The following SMARCA2 variants were observed in gnomAD, a reference collection of about 807,000 sequenced individuals.
SMARCA2 encodes SWI/SNF-related matrix-associated actin-dependent regulator of chromatin subfamily A member 2.
A neutral mutation model predicts 199.8 loss-of-function variants in SMARCA2; 61 were observed. The ratio of observed to expected loss-of-function variants is 0.31; its 90% CI spans 0.25 to 0.38. The LOEUF (loss-of-function observed/expected upper bound fraction) is 0.38. SMARCA2 is among the 10% of genes least tolerant of loss of function. The pLI is 1.00. For missense variants in SMARCA2, 1,344 were observed against 2,012.2 expected (o/e 0.67, Z 6.35); for synonymous variants, 935 against 732.0 (o/e 1.28, Z -4.48).
intron 32 of SMARCA2, among the ~76,000 whole-genome samples, chr9:2,190,982 TGGGAGACA>T (rs1007824321): frequency 1.1e-4 from 16 of 152,172 alleles, no homozygotes; most frequent in African/African-American, 3.9e-4. Context: ...GGTCAGCCAT[TGGGAGACA>T]GGTGAAGGAT....
At chr9:2,030,798 C>G (rs1412403019) in intron 2 of SMARCA2, among the ~76,000 whole-genome samples, 1 of 152,124 alleles carries the variant, frequency 6.6e-6, no homozygotes, top group Non-Finnish European at 1.5e-5. Flanking sequence ...AAAAAGATTA[C>G]CACAGAAAAG....
Position 2,186,078 on chromosome 9 carries a change from G to A in SMARCA2, c.4462-18G>A. 2 of 1,611,084 alleles carry A rather than the reference G, an allele frequency of 1.2e-6. No homozygotes were observed. The highest frequency in any genetic ancestry group is 1.7e-6 in the Non-Finnish European group (2 of 1,178,144). ...AACTCAGCTTGCAGTTTTAACAGATGCCCCTTTGACCATTTAGATCTATGA... is the reference window on the plus strand; with the variant it reads ...AACTCAGCTTGCAGTTTTAACAGATACCCCTTTGACCATTTAGATCTATGA... On this transcript the variant is annotated intron_variant, in intron 31 of 33. Coordinates refer to ENST00000349721, the MANE Select transcript of SMARCA2 (RefSeq NM_003070.5).
chr9:2,189,195 T>C (rs777078275), intron 32 of SMARCA2, among the ~76,000 whole-genome samples: 2 of 152,226 alleles, frequency 1.3e-5, no homozygotes, highest in Non-Finnish European at 2.9e-5. Flanking sequence ...GGAGATGATA[T>C]TCTGTCCACC....
chr9:2,181,229 C>G (rs1489178192), intron 29 of SMARCA2: 5 of 204,846 alleles, frequency 2.4e-5, no homozygotes, highest in Non-Finnish European at 3.9e-5. Context: ...TATATATTTA[C>G]CAATTCATTT....
chr9:2,180,033 G>C (rs1247959883), intron 29 of SMARCA2, among the ~76,000 whole-genome samples: 2 of 152,118 alleles, frequency 1.3e-5, no homozygotes, highest in Non-Finnish European at 2.9e-5. Flanking sequence ...AATAGTTCTT[G>C]TCATATACTA....
At chr9:2,160,316 T>G (rs1586770640) in intron 27 of SMARCA2, 3 of 437,554 alleles carry the variant, frequency 6.9e-6, no homozygotes, top group East Asian at 6.8e-5. Context: ...AATTGTCTTT[T>G]GATTATTAAG....
Position 2,104,195 on chromosome 9 carries a change from G to A in SMARCA2, c.3292+26G>A, listed in dbSNP as rs770068805. 4 of 1,596,332 alleles carry A rather than the reference G, an allele frequency of 2.5e-6. No homozygotes were observed. ...GTAAGTGCATAAGGCATTAGGCTCG[G>A]AAGCCATACTACTGAAAATGAAGGG... On this transcript the variant is annotated intron_variant, in intron 23 of 33. Transcript: ENST00000349721. This position sits in a 1 kb window ranked among gnomAD's most constrained non-coding sequence, Gnocchi z 4.0.
At chr9:2,073,778 T>A (rs144695551) in intron 12 of SMARCA2, among the ~76,000 whole-genome samples, 155 bp downstream of exon 12, 12 of 152,340 alleles carry the variant, frequency 7.9e-5, no homozygotes, top group Non-Finnish European at 1.5e-4. Flanking sequence ...TTACAAATGC[T>A]TTGATGGTGT....
Position 2,110,464 on chromosome 9 carries a change from C to A in SMARCA2, c.3456+47C>A. 3 of 1,428,106 alleles carry A rather than the reference C, an allele frequency of 2.1e-6. No individual in the cohort carries two copies. The highest frequency in any genetic ancestry group is 9.5e-7 in the Non-Finnish European group (1 of 1,054,206). The allele number at this position is 1,428,106 out of a possible 1,614,324, so 88.5% of individuals were successfully genotyped here. On this transcript the variant is annotated intron_variant, in intron 24 of 33. Transcript: ENST00000349721. The surrounding 1 kb of genome is among the most constrained non-coding windows in gnomAD (Gnocchi z 4.8). ...GCCCAGGCCTCCCTCTGGAGAGCAA[C>A]TAAAAGATGATCAGTTTCATTATTC...
chr9:2,103,251 C>T (rs1011278125), intron 22 of SMARCA2, among the ~76,000 whole-genome samples: 5 of 152,110 alleles, frequency 3.3e-5, no homozygotes, highest in Non-Finnish European at 5.9e-5. Flanking sequence ...ACCTGCTCAG[C>T]GTAGCCTCTG....
intron 3 of SMARCA2, among the ~76,000 whole-genome samples, chr9:2,037,736 G>A (rs1054634743): frequency 6.6e-6 from 1 of 152,164 alleles, no homozygotes; most frequent in Non-Finnish European, 1.5e-5. Flanking sequence ...ACTGTGACAC[G>A]ATTACATTTA....
chr9:2,109,795 T>C (rs1822915510), intron 23 of SMARCA2, among the ~76,000 whole-genome samples: 1 of 152,248 alleles, frequency 6.6e-6, no homozygotes, highest in Admixed American at 6.5e-5. Context: ...TCCTTTTTTT[T>C]CTATTTTCTT....
intron 27 of SMARCA2, among the ~76,000 whole-genome samples, chr9:2,133,970 T>G (rs923684646): frequency 4.6e-5 from 7 of 152,316 alleles, no homozygotes; most frequent in African/African-American, 9.6e-5. Flanking sequence ...TCTCATAGCT[T>G]TGCTTTCCTC....
rs1825675172 is a variant in SMARCA2, at chr9:2,161,549, T to C, written c.3982-137T>C. On this transcript the variant is annotated intron_variant, in intron 27 of 33. Coordinates refer to ENST00000349721, the MANE Select transcript of SMARCA2 (RefSeq NM_003070.5). The surrounding 1 kb of genome is among the most constrained non-coding windows in gnomAD (Gnocchi z 4.7). Reference sequence around the variant, plus strand: ...TTTTTCTTCTTCCTCCACTGATTACTGTTAACTTTTACTTTTTTTTGGTTA... The same window carrying C: ...TTTTTCTTCTTCCTCCACTGATTACCGTTAACTTTTACTTTTTTTTGGTTA... 1 of 630,286 alleles carries C rather than the reference T, an allele frequency of 1.6e-6. No individual in the cohort carries two copies. Among genetic ancestry groups the C allele is most frequent in the African/African-American group, 1.8e-5 (1 of 54,266 alleles). 39.0% of individuals were successfully genotyped at this position (630,286 alleles called of 1,614,324 possible). A position where few individuals can be genotyped will look rare whatever the true frequency, so the allele number is the denominator to read the frequency against.
intron 27 of SMARCA2, among the ~76,000 whole-genome samples, chr9:2,129,418 G>C (rs923389722): frequency 6.6e-6 from 1 of 151,920 alleles, no homozygotes; most frequent in African/African-American, 2.4e-5. Flanking sequence ...ACTCCATCTC[G>C]AAAAAAGGGG....
chr9:2,185,145 G>C (rs761253553), intron 31 of SMARCA2, among the ~76,000 whole-genome samples: 1 of 151,932 alleles, frequency 6.6e-6, no homozygotes, highest in Non-Finnish European at 1.5e-5. Context: ...TTAATCTTGC[G>C]ACTCTGAAAC....
chr9:2,058,216 G>A, intron 7 of SMARCA2, 75 bp from the exon 8 acceptor site: 1 of 1,333,668 alleles, frequency 7.5e-7, no homozygotes, highest in Non-Finnish European at 1.1e-6. Context: ...AGTTTTCTTG[G>A]ACAACACTGA....
At chr9:2,063,940 C>G (rs1820712665) in intron 9 of SMARCA2, among the ~76,000 whole-genome samples, 1 of 152,108 alleles carries the variant, frequency 6.6e-6, no homozygotes, top group Non-Finnish European at 1.5e-5. Context: ...TCAGCCTGGT[C>G]TTCCATTAAA....
intron 10 of SMARCA2, among the ~76,000 whole-genome samples, chr9:2,071,827 G>C (rs569292112): frequency 1.2e-4 from 19 of 152,238 alleles, no homozygotes; most frequent in Non-Finnish European, 1.9e-4. Flanking sequence ...GCAAATTGTA[G>C]ATTTCCTTCT....
Sources: gnomAD v4.1 joint callset for allele counts (sites outside exome capture counted in the v4.1 genomes callset) on GRCh38, gnomAD v4.1.1 for gene constraint, Gnocchi (gnomAD v3.1) non-coding constraint, MANE v1.5 for transcripts, NCBI Gene and HGNC (gene_info 2026-07-23, HGNC 2026-07-21) for gene names.